ACTL6A: variants seen among roughly 807,000 people sequenced by gnomAD.
ACTL6A encodes actin-like protein 6A.
In ACTL6A, 5 loss-of-function variants were observed where a neutral mutation model predicts 59.2. That is an observed-to-expected ratio of 0.08 (90% CI 0.04 to 0.18). The LOEUF is 0.18. Among genes scored for constraint, ACTL6A ranks in the 10% least tolerant of loss-of-function variants. ACTL6A has a pLI of 1.00. For synonymous variants in ACTL6A, 154 were observed against 171.8 expected (o/e 0.90, Z 0.81); for missense variants, 285 against 526.9 (o/e 0.54, Z 4.49).
chr3:179,570,325 C>A lies in ACTL6A; in HGVS notation c.277+84C>A. On this transcript the variant is annotated intron_variant, in intron 3 of 13. Coordinates refer to ENST00000429709, the MANE Select transcript of ACTL6A (RefSeq NM_004301.5). This position sits in a 1 kb window ranked among gnomAD's most constrained non-coding sequence, Gnocchi z 4.3. Reference sequence around the variant, plus strand: ...AAGTAGTAGCTTCCTATAAGTTGAACATCAACCATGGTTTTTTGTTTTGTT... The same window carrying A: ...AAGTAGTAGCTTCCTATAAGTTGAAAATCAACCATGGTTTTTTGTTTTGTT... 2 of 1,247,494 alleles carry A rather than the reference C, an allele frequency of 1.6e-6. No individual in the cohort carries two copies. Among genetic ancestry groups the A allele is most frequent in the Non-Finnish European group, 2.1e-6 (2 of 931,668 alleles). 77.3% of individuals were successfully genotyped at this position (1,247,494 alleles called of 1,614,324 possible).
intron 8 of ACTL6A, among the ~76,000 whole-genome samples, chr3:179,579,455 T>TACACACACAC (rs10650822): frequency 0.029 from 4,190 of 145,080 alleles, 180 homozygotes; most frequent in African/African-American, 0.089. Flanking sequence ...TTATATCATA[T>TACACACACAC]ACACACACAC....
At chr3:179,577,912 A>G (rs1718217957) in intron 8 of ACTL6A, among the ~76,000 whole-genome samples, 1 of 149,782 alleles carries the variant, frequency 6.7e-6, no homozygotes, top group Admixed American at 6.7e-5. Context: ...AGTTGATTCC[A>G]TGTCTTTGCT....
In ACTL6A at chr3:179,574,088, A is replaced by C. The variant is rs1039924702; in HGVS notation, c.379-282A>C. Among the ~76,000 whole-genome samples, 7 of 152,186 alleles carry C rather than the reference A, an allele frequency of 4.6e-5. No individual in the cohort carries two copies. In the South Asian group the frequency reaches 1.2e-3, roughly 27 times the overall value. On this transcript the variant is annotated intron_variant, in intron 4 of 13. Transcript: ENST00000429709. ...TTAGATTTAATAATATGTTTATAAG[A>C]ATCCTGGTTTCCTCATATGTGGAAA... is the stretch of plus-strand genomic sequence containing the variant.
intron 12 of ACTL6A, among the ~76,000 whole-genome samples, chr3:179,585,628 A>G (rs1718465720): frequency 6.6e-6 from 1 of 152,036 alleles, no homozygotes; most frequent in African/African-American, 2.4e-5. Context: ...CCCATATCCC[A>G]TACTCTACCC....
chr3:179,586,653 G>A (rs773272546), intron 13 of ACTL6A, 21 bp downstream of exon 13: 2 of 1,561,516 alleles, frequency 1.3e-6, no homozygotes, highest in African/African-American at 2.8e-5. Context: ...GAGCTACTTT[G>A]CAAAAATATT....
chr3:179,580,225 T>C (rs1167255084), intron 8 of ACTL6A, among the ~76,000 whole-genome samples: 2 of 152,238 alleles, frequency 1.3e-5, no homozygotes, highest in Admixed American at 1.3e-4. Context: ...AACTGTTTTA[T>C]ACTATGTACA....
intron 3 of ACTL6A, among the ~76,000 whole-genome samples, chr3:179,571,149 G>A (rs1028169026): frequency 6.6e-6 from 1 of 152,154 alleles, no homozygotes; most frequent in Admixed American, 6.5e-5. Flanking sequence ...ATGCGTGGTG[G>A]CTCGCGCCTA....
chr3:179,583,073 C>T (rs777814783), intron 11 of ACTL6A, among the ~76,000 whole-genome samples: 2 of 152,124 alleles, frequency 1.3e-5, no homozygotes, highest in Non-Finnish European at 2.9e-5. Context: ...GGCAATATAA[C>T]GAGACCCCGT....
chr3:179,586,261 G>A (rs746634449), intron 12 of ACTL6A, among the ~76,000 whole-genome samples: 11 of 151,884 alleles, frequency 7.2e-5, no homozygotes, highest in Non-Finnish European at 1.2e-4. Flanking sequence ...TTGTTATCTT[G>A]GCTATTTCAA....
Position 179,562,940 on chromosome 3 carries a change from T to C in ACTL6A, c.-153T>C, listed in dbSNP as rs866010793. ...GAGGAGCCAGCAAGTGTGGCTGAGC[T>C]CCGGGGTGTGTGGACGCCGCTTTGT... On this transcript the variant is annotated 5_prime_UTR_variant, in exon 1 of 14. Coordinates refer to ENST00000429709, the MANE Select transcript of ACTL6A (RefSeq NM_004301.5). 26 of 946,980 alleles carry C rather than the reference T, an allele frequency of 2.7e-5. 1 individual carries two copies. In the Middle Eastern group the frequency reaches 1.4e-3, roughly 52 times the overall value. 58.7% of individuals were successfully genotyped at this position (946,980 alleles called of 1,614,324 possible).
chr3:179,582,078 C>A (rs991560591), intron 11 of ACTL6A, among the ~76,000 whole-genome samples: 2 of 152,206 alleles, frequency 1.3e-5, no homozygotes, highest in African/African-American at 4.8e-5. Context: ...CTATGAAAAT[C>A]ATACTTTATT....
chr3:179,577,348 T>C (rs1460032256), intron 8 of ACTL6A, among the ~76,000 whole-genome samples: 1 of 152,152 alleles, frequency 6.6e-6, no homozygotes, highest in African/African-American at 2.4e-5. Flanking sequence ...ATATCAAAAA[T>C]GTGTTTTTGT....
At chr3:179,564,508 C>T (rs1183749111) in intron 1 of ACTL6A, among the ~76,000 whole-genome samples, 2 of 152,142 alleles carry the variant, frequency 1.3e-5, no homozygotes, top group Admixed American at 1.3e-4. Flanking sequence ...TCTATTAAGC[C>T]TCCTGCCTCC....
intron 12 of ACTL6A, among the ~76,000 whole-genome samples, chr3:179,585,926 G>A (rs1000380328): frequency 6.6e-6 from 1 of 152,164 alleles, no homozygotes; most frequent in Non-Finnish European, 1.5e-5. Context: ...TTTTTATTTA[G>A]AAGGGTTGGG....
chr3:179,567,936 G>T (rs879909248), intron 1 of ACTL6A, among the ~76,000 whole-genome samples: 1 of 152,148 alleles, frequency 6.6e-6, no homozygotes. Context: ...CACTTTGAGA[G>T]GCCAAGGCGG....
rs373722487 is a variant in ACTL6A, at chr3:179,566,977, CCG to C, written c.26-2841_26-2840del. Among the ~76,000 whole-genome samples, 184 of 152,198 alleles carry C rather than the reference CCG, an allele frequency of 1.2e-3. 1 individual carries two copies. The highest frequency in any genetic ancestry group is 3.7e-3 in the African/African-American group (154 of 41,528). On this transcript the variant is annotated intron_variant, in intron 1 of 13. Coordinates refer to ENST00000429709, the MANE Select transcript of ACTL6A (RefSeq NM_004301.5). ...GTGTTGGGCTTACAGGTGTGAGCCA[CCG>C]CGCGCCCTGCCTGAATTTTCTCTTA...
chr3:179,573,333 A>G (rs367687297), intron 3 of ACTL6A, 36 bp from the exon 4 acceptor site: 10 of 1,345,148 alleles, frequency 7.4e-6, no homozygotes, highest in Non-Finnish European at 1.0e-5. Context: ...ATCTTCAACT[A>G]TGCATTATTT....
intron 12 of ACTL6A, chr3:179,584,148 TC>T (rs1455281185): frequency 1.3e-5 from 2 of 152,196 alleles, no homozygotes; most frequent in African/African-American, 4.8e-5. Context: ...ATGCTGAATC[TC>T]TAGGGGAAAA....
intron 5 of ACTL6A, chr3:179,574,995 C>G (rs745952937): frequency 1.1e-5 from 2 of 189,678 alleles, no homozygotes; most frequent in Middle Eastern, 2.5e-3. Context: ...CTCTAATAAT[C>G]TTTCTATTTT....
Sources: allele counts gnomAD v4.1 joint callset (sites outside exome capture counted in the v4.1 genomes callset), GRCh38; gene constraint gnomAD v4.1.1; non-coding constraint Gnocchi (gnomAD v3.1); transcripts MANE v1.5; gene names NCBI Gene and HGNC (gene_info 2026-07-23, HGNC 2026-07-21).